The following LPP variants were observed in gnomAD, a reference collection of about 807,000 sequenced individuals.
The protein encoded by LPP is LIM domain containing preferred translocation partner in lipoma, also known as lipoma-preferred partner.
Under a neutral mutation model 60.4 loss-of-function variants are expected in LPP, and 38 were observed. The ratio of observed to expected loss-of-function variants is 0.63; its 90% CI spans 0.49 to 0.83. The LOEUF (loss-of-function observed/expected upper bound fraction) is 0.83, where lower values mean the gene tolerates loss of function less well. Ranked by LOEUF, LPP falls within the 40% of genes least tolerant of loss-of-function variation. The pLI, the probability that LPP is intolerant of heterozygous loss-of-function variation, is 0.00. For synonymous variants in LPP, 328 were observed against 290.8 expected (o/e 1.13, Z -1.30); for missense variants, 902 against 783.6 (o/e 1.15, Z -1.80).
At chr3:188,240,043 A>C (rs1723377506) in intron 2 of LPP, 1 of 197,404 alleles carries the variant, frequency 5.1e-6, no homozygotes, top group African/African-American at 2.3e-5. Flanking sequence ...TAGAGATGGG[A>C]CTTGAGCACC....
intron 7 of LPP, among the ~76,000 whole-genome samples, chr3:188,658,267 C>T (rs1853800606): frequency 6.6e-6 from 1 of 152,074 alleles, no homozygotes; most frequent in Non-Finnish European, 1.5e-5. Flanking sequence ...GCCTCAGCCT[C>T]CCAAGTAGCT....
chr3:188,646,303 T>C (rs1851092325), intron 7 of LPP, among the ~76,000 whole-genome samples: 1 of 152,118 alleles, frequency 6.6e-6, no homozygotes. Context: ...ACCTGGAGCA[T>C]AATATGGTAA....
chr3:188,622,237 T>C (rs2151574261), intron 7 of LPP, among the ~76,000 whole-genome samples: 1 of 152,270 alleles, frequency 6.6e-6, no homozygotes, highest in East Asian at 1.9e-4. Flanking sequence ...TGTCATCAGC[T>C]TGATATTTCC....
chr3:188,155,768 C>T (rs913673161), intron 1 of LPP, among the ~76,000 whole-genome samples: 3 of 152,194 alleles, frequency 2.0e-5, no homozygotes, highest in African/African-American at 7.2e-5. Flanking sequence ...AATCCCAGCA[C>T]TTTGGGAGGC....
At chr3:188,556,748 G>C (rs1469806630) in intron 6 of LPP, among the ~76,000 whole-genome samples, 1 of 149,326 alleles carries the variant, frequency 6.7e-6, no homozygotes, top group Non-Finnish European at 1.5e-5. Flanking sequence ...CTTATGCAAG[G>C]GTTGGCACTT....
chr3:188,154,178 TCCGCCTCCAGCCG>T lies in LPP; in HGVS notation c.-258_-246del. 1 of 216,416 alleles carries T rather than the reference TCCGCCTCCAGCCG, an allele frequency of 4.6e-6. No homozygotes were observed. Among genetic ancestry groups the T allele is most frequent in the Non-Finnish European group, 8.9e-6 (1 of 112,250 alleles). 13.4% of individuals were successfully genotyped at this position (216,416 alleles called of 1,614,324 possible). ...GGGCACCTCCTCCTCTGCCTCTGCC[TCCGCCTCCAGCCG>T]CCGCCGCCGCCGCCGCCGCCGCCAC... On this transcript the variant is annotated 5_prime_UTR_variant, in exon 1 of 12. Coordinates refer to ENST00000617246, the MANE Select transcript of LPP (RefSeq NM_001375462.1).
chr3:188,540,053 G>A (rs998705453), intron 6 of LPP, among the ~76,000 whole-genome samples: 8 of 152,186 alleles, frequency 5.3e-5, no homozygotes, highest in African/African-American at 1.9e-4. Flanking sequence ...ACCTGGTATA[G>A]ATGTTTCATT....
chr3:188,760,419 T>TGTG, intron 9 of LPP, 137 bp downstream of exon 9: 1 of 702,060 alleles, frequency 1.4e-6, no homozygotes. Flanking sequence ...GGTGTGTGTG[T>TGTG]GTGTGTGTGT....
chr3:188,227,251 TATGTATACATGTGCC>T (rs980243821), intron 2 of LPP, among the ~76,000 whole-genome samples: 53 of 151,752 alleles, frequency 3.5e-4, no homozygotes, highest in Middle Eastern at 3.4e-3. Flanking sequence ...GTTAGTTACA[TATGTATACATGTGCC>T]ATGCTGGTGT....
At chr3:188,700,047 C>T (rs1864072425) in intron 7 of LPP, among the ~76,000 whole-genome samples, 2 of 151,970 alleles carry the variant, frequency 1.3e-5, no homozygotes, top group South Asian at 4.2e-4. Context: ...TTCAATGTTT[C>T]TTTTTTTTCA....
intron 7 of LPP, among the ~76,000 whole-genome samples, chr3:188,669,905 G>A (rs1351031612): frequency 1.2e-4 from 18 of 152,156 alleles, no homozygotes; most frequent in African/African-American, 2.4e-4. Flanking sequence ...AATATACACC[G>A]TGGAATACTA....
intron 2 of LPP, among the ~76,000 whole-genome samples, chr3:188,312,562 A>G (rs1226815204): frequency 6.6e-6 from 1 of 152,092 alleles, no homozygotes; most frequent in African/African-American, 2.4e-5. Context: ...GAAATTTCCA[A>G]TTTTTCTTCT....
intron 8 of LPP, among the ~76,000 whole-genome samples, chr3:188,737,431 G>A (rs1175763736): frequency 1.3e-5 from 2 of 152,192 alleles, no homozygotes; most frequent in Non-Finnish European, 2.9e-5. Flanking sequence ...AACCCTGGTA[G>A]ACAGGTTAGT....
intron 1 of LPP, among the ~76,000 whole-genome samples, chr3:188,192,842 G>A (rs1365956581): frequency 6.6e-6 from 1 of 152,192 alleles, no homozygotes; most frequent in African/African-American, 2.4e-5. Context: ...TCTGCAAAAC[G>A]AGGACAAGAG....
At chr3:188,634,983 A>G (rs1412067270) in intron 7 of LPP, among the ~76,000 whole-genome samples, 1 of 152,124 alleles carries the variant, frequency 6.6e-6, no homozygotes, top group Non-Finnish European at 1.5e-5. Context: ...TAGAATAGGG[A>G]CCAGAAAGAG....
intron 6 of LPP, among the ~76,000 whole-genome samples, chr3:188,564,555 T>C (rs999509344): frequency 6.6e-6 from 1 of 151,960 alleles, no homozygotes; most frequent in Non-Finnish European, 1.5e-5. Flanking sequence ...TCTTTTAAAA[T>C]AAAGAAATCG....
intron 8 of LPP, among the ~76,000 whole-genome samples, chr3:188,752,294 C>T (rs886649909): frequency 7.9e-5 from 12 of 152,158 alleles, no homozygotes; most frequent in African/African-American, 2.9e-4. Context: ...ATAAGTGACT[C>T]AACTAAGACC....
chr3:188,178,885 G>A (rs974856164), intron 1 of LPP: 1 of 223,066 alleles, frequency 4.5e-6, no homozygotes, highest in East Asian at 1.3e-4. Context: ...CTAGTAGCAG[G>A]GTGGGTGAGA....
intron 1 of LPP, among the ~76,000 whole-genome samples, chr3:188,199,212 G>A (rs1370934674): frequency 6.6e-6 from 1 of 152,220 alleles, no homozygotes; most frequent in African/African-American, 2.4e-5. Flanking sequence ...GAGGAAGGGA[G>A]AGAGGGAGAA....
Sources: gnomAD v4.1 joint callset for allele counts (sites outside exome capture counted in the v4.1 genomes callset) on GRCh38, gnomAD v4.1.1 for gene constraint, MANE v1.5 for transcripts, NCBI Gene and HGNC (gene_info 2026-07-23, HGNC 2026-07-21) for gene names.